Variants in ZNF423 observed in about 807,000 individuals in gnomAD.
ZNF423 encodes zinc finger protein 423.
In ZNF423, 12 loss-of-function variants were observed where a neutral mutation model predicts 95.8. The observed-to-expected ratio is 0.13, with a 90% CI of 0.08 to 0.20. The LOEUF is 0.20. ZNF423 is among the 10% of genes least tolerant of loss of function. The pLI is 1.00. For missense variants in ZNF423, 1,316 were observed against 1,737.1 expected, an observed-to-expected ratio of 0.76 and a Z score of 4.31; for synonymous variants, 749 against 711.9, an observed-to-expected ratio of 1.05 and a Z score of -0.83.
At chr16:49,758,190 G>A (rs1286483126) in intron 2 of ZNF423, among the ~76,000 whole-genome samples, 1 of 152,242 alleles carries the variant, frequency 6.6e-6, no homozygotes, top group Non-Finnish European at 1.5e-5. Flanking sequence ...CGAGGCTGGA[G>A]TGCAGTGGCA....
At chr16:49,566,907 TTC>T (rs1200970184) in intron 5 of ZNF423, among the ~76,000 whole-genome samples, 2 of 151,972 alleles carry the variant, frequency 1.3e-5, no homozygotes, top group African/African-American at 2.4e-5. Context: ...TCACAGCTGA[TTC>T]TCTGAGTAGG....
At chr16:49,546,373 C>T (rs144387046) in intron 5 of ZNF423, among the ~76,000 whole-genome samples, 31 of 152,224 alleles carry the variant, frequency 2.0e-4, no homozygotes, top group African/African-American at 4.3e-4. Flanking sequence ...AGAAACTACT[C>T]GGTGGGGTGT....
intron 1 of ZNF423, among the ~76,000 whole-genome samples, chr16:49,836,478 C>T (rs578230268): frequency 2.6e-5 from 4 of 152,100 alleles, no homozygotes; most frequent in South Asian, 2.1e-4. Flanking sequence ...GAGAAGATTC[C>T]GGCATGGTGC....
intron 1 of ZNF423, among the ~76,000 whole-genome samples, chr16:49,817,923 CG>C (rs953049487): frequency 6.6e-6 from 1 of 152,058 alleles, no homozygotes; most frequent in African/African-American, 2.4e-5. Context: ...GCCTCCAACC[CG>C]CCAGTTCACA....
At chr16:49,640,113 T>C (rs1972917567) in intron 3 of ZNF423, among the ~76,000 whole-genome samples, 1 of 152,024 alleles carries the variant, frequency 6.6e-6, no homozygotes, top group Non-Finnish European at 1.5e-5. Context: ...AATAAACCAC[T>C]GCCCCCGCCT....
intron 5 of ZNF423, among the ~76,000 whole-genome samples, chr16:49,610,284 C>T (rs1690775727): frequency 6.6e-6 from 1 of 152,144 alleles, no homozygotes; most frequent in South Asian, 2.1e-4. Flanking sequence ...CCACTAATTC[C>T]CCTTCTCTTC....
At chr16:49,669,446 C>G (rs1233585263) in intron 3 of ZNF423, among the ~76,000 whole-genome samples, 1 of 152,252 alleles carries the variant, frequency 6.6e-6, no homozygotes, top group Non-Finnish European at 1.5e-5. Context: ...TATGGGGCAC[C>G]CTTCTTTCAG....
At chr16:49,625,217 G>A (rs1315776289) in intron 5 of ZNF423, among the ~76,000 whole-genome samples, 2 of 152,236 alleles carry the variant, frequency 1.3e-5, no homozygotes, top group Non-Finnish European at 2.9e-5. Flanking sequence ...GCCAGGCGCA[G>A]TGGCAGGTGC....
At chr16:49,527,946 G>A (rs1031750270) in intron 5 of ZNF423, among the ~76,000 whole-genome samples, 5 of 151,824 alleles carry the variant, frequency 3.3e-5, no homozygotes, top group African/African-American at 7.3e-5. Flanking sequence ...ACACACACAC[G>A]ACTACTCCCT....
intron 1 of ZNF423, among the ~76,000 whole-genome samples, chr16:49,818,141 T>C (rs531270872): frequency 2.3e-4 from 35 of 152,200 alleles, no homozygotes; most frequent in African/African-American, 8.2e-4. Flanking sequence ...GCAGTTGAAA[T>C]CTAATTCCCC....
At chr16:49,772,066 C>T (rs2034044975) in intron 2 of ZNF423, among the ~76,000 whole-genome samples, 1 of 152,132 alleles carries the variant, frequency 6.6e-6, no homozygotes, top group African/African-American at 2.4e-5. Flanking sequence ...TGGAAACATC[C>T]CACCCTGTGT....
chr16:49,760,915 AACACAC>A (rs112034770), intron 2 of ZNF423, among the ~76,000 whole-genome samples: 3 of 148,196 alleles, frequency 2.0e-5, no homozygotes, highest in Non-Finnish European at 4.5e-5. Context: ...ACCTCCCTCC[AACACAC>A]ACACACACAC....
rs927642459 is a variant in ZNF423, at chr16:49,533,056, G to A, written c.3602-7562C>T. 4.6e-5 allele frequency among the ~76,000 whole-genome samples: 7 copies of A among 152,272 alleles called. No homozygotes were observed. In the East Asian group the frequency reaches 1.4e-3, roughly 29 times the overall value. On this transcript the variant is annotated intron_variant, in intron 5 of 7. Transcript: ENST00000563137. ...CCTTCATCGCTACTGACCACAGCAA[G>A]ACTGGACTCTCCTGCCTTCCAGCAT...
intron 1 of ZNF423, among the ~76,000 whole-genome samples, chr16:49,828,811 G>C (rs1031771387): frequency 6.6e-6 from 1 of 152,208 alleles, no homozygotes; most frequent in Non-Finnish European, 1.5e-5. Context: ...TGGAGGAGAG[G>C]TCTGGAGACC....
At chr16:49,708,166 G>C (rs1054201004) in intron 3 of ZNF423, 4 of 152,788 alleles carry the variant, frequency 2.6e-5, no homozygotes, top group African/African-American at 9.6e-5. Context: ...ACAGGGGAAA[G>C]CTACGGAACC....
intron 5 of ZNF423, among the ~76,000 whole-genome samples, chr16:49,622,066 C>A (rs889137536): frequency 2.0e-5 from 3 of 152,176 alleles, no homozygotes; most frequent in Non-Finnish European, 4.4e-5. Context: ...ACTCAGGTAC[C>A]CACAGGGACC....
chr16:49,497,077 C>T (rs1332124876), intron 7 of ZNF423, among the ~76,000 whole-genome samples: 3 of 152,098 alleles, frequency 2.0e-5, no homozygotes, highest in African/African-American at 4.8e-5. Context: ...AACCCCTGTA[C>T]CCACAAATCA....
intron 7 of ZNF423, among the ~76,000 whole-genome samples, chr16:49,516,127 G>A (rs559259955): frequency 2.0e-5 from 3 of 152,320 alleles, no homozygotes; most frequent in African/African-American, 7.2e-5. Context: ...GTAGGGGAAG[G>A]GGGACCCGAA....
intron 5 of ZNF423, among the ~76,000 whole-genome samples, chr16:49,576,509 C>A (rs779239871): frequency 6.6e-6 from 1 of 152,242 alleles, no homozygotes; most frequent in Non-Finnish European, 1.5e-5. Flanking sequence ...GTGGACACTA[C>A]CTGGAGGCAG....
Sources: allele counts gnomAD v4.1 joint callset (sites outside exome capture counted in the v4.1 genomes callset), GRCh38; gene constraint gnomAD v4.1.1; transcripts MANE v1.5; gene names NCBI Gene and HGNC (gene_info 2026-07-23, HGNC 2026-07-21).